JAK2: variants seen among roughly 807,000 people sequenced by gnomAD.
The protein encoded by JAK2 is tyrosine-protein kinase JAK2.
JAK2 carries 86 observed loss-of-function variants against 139.3 expected under a neutral mutation model. The observed-to-expected ratio is 0.62, with a 90% CI of 0.52 to 0.74. The LOEUF is 0.74. Among genes scored for constraint, JAK2 ranks in the 30% least tolerant of loss-of-function variants. The pLI is 0.00. For missense variants in JAK2, 1,421 were observed against 1,360.3 expected (o/e 1.04, Z -0.70); for synonymous variants, 490 against 437.7 (o/e 1.12, Z -1.49).
intron 22 of JAK2, among the ~76,000 whole-genome samples, chr9:5,092,692 C>T (rs963356801): frequency 1.3e-5 from 2 of 152,096 alleles, no homozygotes; most frequent in African/African-American, 2.4e-5. Context: ...AGCCAAGTCC[C>T]CCGAAACCAA....
rs1354395807 is a variant in JAK2, at chr9:5,075,046, T to G, written c.1864+1261T>G. ...AGATCAAACCAGTCACAACATTCCCTTGAGCCAAAGCCCAATCTAGAGCAA... is the reference window on the plus strand; with the variant it reads ...AGATCAAACCAGTCACAACATTCCCGTGAGCCAAAGCCCAATCTAGAGCAA... On this transcript the variant is annotated intron_variant, in intron 14 of 24. Transcript: ENST00000381652. Among the ~76,000 whole-genome samples, 11 of 152,208 alleles carry G rather than the reference T, an allele frequency of 7.2e-5. No individual in the cohort carries two copies. The East Asian group carries it at 2.1e-3, about 29-fold the overall frequency.
At chr9:5,080,410 C>T in intron 17 of JAK2, 30 bp downstream of exon 17, 3 of 1,567,700 alleles carry the variant, frequency 1.9e-6, no homozygotes, top group Non-Finnish European at 1.7e-6. Context: ...GTTAGAATTA[C>T]TCTATCTCTG....
chr9:5,076,579 G>A (rs894314770), intron 14 of JAK2, among the ~76,000 whole-genome samples: 9 of 152,156 alleles, frequency 5.9e-5, no homozygotes, highest in African/African-American at 1.9e-4. Context: ...CCATTATAGT[G>A]TATATACAAG....
chr9:5,096,989 CT>C (rs1186670316), intron 22 of JAK2: 3 of 152,148 alleles, frequency 2.0e-5, no homozygotes, highest in African/African-American at 7.2e-5. Context: ...CTCCCCCACT[CT>C]TTCCTACTCC....
In JAK2 at chr9:5,066,807, A is replaced by T; in HGVS notation, c.1326+18A>T. On this transcript the variant is annotated intron_variant, in intron 10 of 24. Coordinates refer to ENST00000381652, the MANE Select transcript of JAK2 (RefSeq NM_004972.4). ...CTGTCGAGGTTAGTATGTCACACTT[A>T]TTAGTGGTAACACTTTATTTAGTTC... is the stretch of plus-strand genomic sequence containing the variant. 8.8e-7 allele frequency: 1 copy of T among 1,133,268 alleles called. No individual in the cohort carries two copies. Among genetic ancestry groups the T allele is most frequent in the East Asian group, 2.6e-5 (1 of 39,176 alleles). The allele number at this position is 1,133,268 out of a possible 1,614,324, so 70.2% of individuals were successfully genotyped here.
intron 4 of JAK2, among the ~76,000 whole-genome samples, chr9:5,039,166 G>T (rs905052156): frequency 6.6e-6 from 1 of 151,982 alleles, no homozygotes; most frequent in Non-Finnish European, 1.5e-5. Context: ...GGGAAATTAG[G>T]CAAGAAAAAG....
At chr9:5,041,434 C>A (rs551689212) in intron 4 of JAK2, 19 of 625,234 alleles carry the variant, frequency 3.0e-5, no homozygotes, top group Non-Finnish European at 5.8e-5. Flanking sequence ...TCATGTACTT[C>A]CTGTGCAGCA....
At chr9:5,119,253 A>G (rs1823434673) in intron 22 of JAK2, among the ~76,000 whole-genome samples, 1 of 152,110 alleles carries the variant, frequency 6.6e-6, no homozygotes, top group Non-Finnish European at 1.5e-5. Context: ...TATTAATAAT[A>G]TGTGATTTTT....
chr9:5,027,361 C>T (rs557098905), intron 3 of JAK2, among the ~76,000 whole-genome samples: 3 of 152,010 alleles, frequency 2.0e-5, no homozygotes, highest in African/African-American at 7.2e-5. Flanking sequence ...ATATTATGTC[C>T]AAAAAAGTAC....
Position 5,081,859 on chromosome 9 carries a change from A to C in JAK2, c.2569A>C (p.Lys857Gln), listed in dbSNP as rs1200952670. 1.9e-6 allele frequency: 3 copies of C among 1,612,070 alleles called. No homozygotes were observed. In the African/African-American group the frequency reaches 4.0e-5, roughly 22 times the overall value. The change falls in exon 19 of 25, where the codon AAG (lysine) becomes CAG (glutamine). Residue 857 changes from lysine to glutamine, a missense_variant and splice_region_variant. Physicochemically the swap from Lys to Gln is moderately conservative, Grantham distance 53. Coordinates refer to ENST00000381652, the MANE Select transcript of JAK2 (RefSeq NM_004972.4). ...TTTGAAATTTCTACAGCAACTTGGC[A>C]AGGTAAATTGTCAGAATTTTTTCAA... ...RHLKFLQQLG[K>Q]GNFGSVEMCR...
chr9:5,098,732 C>G (rs929646707), intron 22 of JAK2: 1 of 150,206 alleles, frequency 6.7e-6, no homozygotes, highest in East Asian at 2.0e-4. Context: ...CTCGCTCTGT[C>G]GCCCAGGCTG....
At position 5,069,202 on chromosome 9, in the gene JAK2, C is replaced by A. The variant is rs1220590246; in HGVS notation, c.1507C>A (p.Pro503Thr). 4.4e-6 allele frequency: 7 copies of A among 1,595,476 alleles called. No homozygotes were observed. Among genetic ancestry groups the A allele is most frequent in the Non-Finnish European group, 4.3e-6 (5 of 1,171,810 alleles). ...FQFTKCCPPK[P>T]KDKSNLLVFR... is the part of the protein sequence containing the mutation. ...GTTTACTAAATGCTGTCCCCCAAAG[C>A]CAAAAGGTAAGATAATTTTCTAGTT... is the stretch of plus-strand genomic sequence containing the variant. Residue 503 changes from proline to threonine, a missense_variant, in exon 11 of 25, where the codon CCA (proline) becomes ACA (threonine). Pro to Thr is a conservative substitution (Grantham distance 38). Transcript: ENST00000381652.
chr9:5,038,785 G>C (rs922910661), intron 4 of JAK2, among the ~76,000 whole-genome samples: 6 of 152,028 alleles, frequency 3.9e-5, no homozygotes, highest in Admixed American at 3.9e-4. Flanking sequence ...TGCTCAGTTT[G>C]TTTATAAAAA....
chr9:5,010,250 G>T (rs185012509), intron 2 of JAK2, among the ~76,000 whole-genome samples: 99 of 151,518 alleles, frequency 6.5e-4, no homozygotes, highest in Non-Finnish European at 1.2e-3. Flanking sequence ...AGCTACTGTT[G>T]TTACCTGTTT....
intron 2 of JAK2, among the ~76,000 whole-genome samples, chr9:5,013,282 C>A (rs890169110): frequency 6.6e-6 from 1 of 152,030 alleles, no homozygotes; most frequent in African/African-American, 2.4e-5. Flanking sequence ...TTCACCTCAC[C>A]ATATTTAGGT....
intron 4 of JAK2, among the ~76,000 whole-genome samples, chr9:5,036,021 A>C (rs913051377): frequency 2.6e-5 from 4 of 152,236 alleles, no homozygotes. Context: ...CTGATAAGCA[A>C]CTTCAGCAAA....
At chr9:4,995,201 G>C (rs1476328074) in intron 2 of JAK2, among the ~76,000 whole-genome samples, 1 of 151,914 alleles carries the variant, frequency 6.6e-6, no homozygotes, top group Admixed American at 6.6e-5. Flanking sequence ...CTCATATCTT[G>C]GCCCACTTTC....
intron 2 of JAK2, among the ~76,000 whole-genome samples, chr9:5,015,470 C>G (rs1260204679): frequency 2.0e-5 from 3 of 152,000 alleles, no homozygotes; most frequent in Non-Finnish European, 4.4e-5. Flanking sequence ...CGGCTGGCAC[C>G]TTAGCACAAA....
chr9:5,009,284 G>T (rs1255435747), intron 2 of JAK2, among the ~76,000 whole-genome samples: 2 of 152,038 alleles, frequency 1.3e-5, no homozygotes, highest in Non-Finnish European at 2.9e-5. Flanking sequence ...GCAAAATTAA[G>T]AAAAATACTG....
Sources: allele counts gnomAD v4.1 joint callset (sites outside exome capture counted in the v4.1 genomes callset), GRCh38; gene constraint gnomAD v4.1.1; transcripts MANE v1.5; gene names NCBI Gene and HGNC (gene_info 2026-07-23, HGNC 2026-07-21).